Variants in CD96 observed in about 807,000 individuals in gnomAD.
The protein encoded by CD96 is T-cell surface protein tactile.
Under a neutral mutation model 71.3 loss-of-function variants are expected in CD96, and 70 were observed. That is an observed-to-expected ratio of 0.98 (90% CI 0.81 to 1.20). CD96 has a LOEUF of 1.20. CD96 is among the 50% of genes most tolerant of loss of function. CD96 has a pLI of 0.00. For missense variants in CD96, 742 were observed against 677.5 expected (o/e 1.10, Z -1.06); for synonymous variants, 248 against 233.0 (o/e 1.06, Z -0.59).
chr3:111,576,096 G>C (rs1936209175), intron 3 of CD96, among the ~76,000 whole-genome samples: 1 of 152,126 alleles, frequency 6.6e-6, no homozygotes, highest in Admixed American at 6.5e-5. Context: ...ACTAGAGTAA[G>C]TATATCATAT....
downstream of CD96, among the ~76,000 whole-genome samples, chr3:111,655,990 G>T (rs937446402): frequency 6.6e-6 from 1 of 151,692 alleles, no homozygotes; most frequent in Admixed American, 6.6e-5. Context: ...TGAAAGAAAA[G>T]ATGGATAAAT....
At chr3:111,617,291 C>T (rs935437158) in intron 8 of CD96, among the ~76,000 whole-genome samples, 1 of 152,194 alleles carries the variant, frequency 6.6e-6, no homozygotes, top group African/African-American at 2.4e-5. Flanking sequence ...CCAGGCATGG[C>T]CTGAAGCCTG....
intron 3 of CD96, among the ~76,000 whole-genome samples, chr3:111,576,541 A>G (rs561879067): frequency 6.6e-6 from 1 of 152,264 alleles, no homozygotes; most frequent in South Asian, 2.1e-4. Context: ...TTTGGTTCTT[A>G]TTAGTACAAA....
At chr3:111,663,752 CTT>C (rs57510798) in intron 14 of CD96, among the ~76,000 whole-genome samples, 2 of 143,054 alleles carry the variant, frequency 1.4e-5, no homozygotes, top group African/African-American at 2.6e-5. Flanking sequence ...TGCTTATACA[CTT>C]TTTTTTTTTT....
chr3:111,564,374 A>G (rs889201001), intron 2 of CD96, among the ~76,000 whole-genome samples: 1 of 151,156 alleles, frequency 6.6e-6, no homozygotes, highest in Non-Finnish European at 1.5e-5. Context: ...AATTTCCCTC[A>G]TTCTATTTTG....
At position 111,567,400 on chromosome 3, in the gene CD96, T is replaced by C; in HGVS notation, c.419-123T>C. ...CTATCGTGGGAGTTTGCCTCTCTTT[T>C]TCATAGGTGTACCCTGAGGACAGAT... is the stretch of plus-strand genomic sequence containing the variant. On this transcript the variant is annotated intron_variant, in intron 2 of 13. Transcript: ENST00000352690. 4.0e-6 allele frequency: 3 copies of C among 758,212 alleles called. No individual in the cohort carries two copies. In the South Asian group the frequency reaches 4.6e-5, roughly 12 times the overall value. The allele number at this position is 758,212 out of a possible 1,614,324, so 47.0% of individuals were successfully genotyped here. A position where few individuals can be genotyped will look rare whatever the true frequency, so the allele number is the denominator to read the frequency against.
chr3:111,572,596 A>C (rs908175487), intron 3 of CD96, among the ~76,000 whole-genome samples: 1 of 152,216 alleles, frequency 6.6e-6, no homozygotes, highest in Non-Finnish European at 1.5e-5. Flanking sequence ...ATTACAACAT[A>C]GAAATGATGA....
chr3:111,642,552 T>C (rs1260858569), intron 12 of CD96, among the ~76,000 whole-genome samples: 1 of 152,166 alleles, frequency 6.6e-6, no homozygotes, highest in East Asian at 1.9e-4. Context: ...CTCATGCCTG[T>C]AATCCCAGCA....
intron 12 of CD96, among the ~76,000 whole-genome samples, chr3:111,646,003 A>G (rs1322006382): frequency 1.3e-5 from 2 of 152,168 alleles, no homozygotes. Context: ...GCTATATGAA[A>G]AGCAGTGTAA....
downstream of CD96, among the ~76,000 whole-genome samples, chr3:111,657,184 C>A (rs190340920): frequency 4.3e-4 from 65 of 152,082 alleles, no homozygotes; most frequent in Middle Eastern, 3.4e-3. Flanking sequence ...TTTTGGGAGG[C>A]CAAGGTGGGC....
At chr3:111,581,984 A>G (rs79331573) in intron 4 of CD96, among the ~76,000 whole-genome samples, 1,974 of 152,314 alleles carry the variant, frequency 0.013, 71 homozygotes, top group East Asian at 0.11. Flanking sequence ...CCATAGGTTT[A>G]GAGCTCATCT....
intron 8 of CD96, among the ~76,000 whole-genome samples, chr3:111,610,967 G>A (rs1443955721): frequency 6.6e-6 from 1 of 152,164 alleles, no homozygotes; most frequent in Non-Finnish European, 1.5e-5. Context: ...TTGAGGTACA[G>A]GATACAGTGA....
At chr3:111,631,405 A>G (rs1939054728) in intron 10 of CD96, among the ~76,000 whole-genome samples, 1 of 152,160 alleles carries the variant, frequency 6.6e-6, no homozygotes, top group Admixed American at 6.5e-5. Context: ...AATTACCACA[A>G]AAAAGAATAA....
At chr3:111,577,048 C>T (rs1406541869) in intron 3 of CD96, among the ~76,000 whole-genome samples, 1 of 152,054 alleles carries the variant, frequency 6.6e-6, no homozygotes, top group Non-Finnish European at 1.5e-5. Context: ...AAGTCAACTG[C>T]CCAGGGGAAA....
intron 9 of CD96, 37 bp from the exon 10 acceptor site, chr3:111,624,295 GA>G: frequency 7.1e-7 from 1 of 1,415,340 alleles, no homozygotes; most frequent in Non-Finnish European, 1.0e-6. Context: ...TACAGCTTTC[GA>G]AAAAAGCTGG....
intron 2 of CD96, among the ~76,000 whole-genome samples, chr3:111,563,935 A>G (rs1042106626): frequency 6.6e-6 from 1 of 152,168 alleles, no homozygotes; most frequent in African/African-American, 2.4e-5. Flanking sequence ...ATTAAAAAAG[A>G]CTTTATTAAA....
intron 5 of CD96, among the ~76,000 whole-genome samples, chr3:111,589,249 C>T (rs1576355795): frequency 6.6e-6 from 1 of 152,158 alleles, no homozygotes; most frequent in South Asian, 2.1e-4. Context: ...CATGCCCGGC[C>T]TGTTTTTGTT....
At chr3:111,580,476 A>G (rs1054441087) in intron 4 of CD96, among the ~76,000 whole-genome samples, 1 of 152,066 alleles carries the variant, frequency 6.6e-6, no homozygotes, top group African/African-American at 2.4e-5. Flanking sequence ...ATTATTTTTG[A>G]AAATGAGATA....
intron 2 of CD96, among the ~76,000 whole-genome samples, chr3:111,548,658 T>TTAAATTAC (rs1934538891): frequency 1.3e-5 from 2 of 152,236 alleles, no homozygotes. Flanking sequence ...ATTTACTAGT[T>TTAAATTAC]CACAGTAAAT....
Sources: gnomAD v4.1 joint callset for allele counts (sites outside exome capture counted in the v4.1 genomes callset) on GRCh38, gnomAD v4.1.1 for gene constraint, MANE v1.5 for transcripts, NCBI Gene and HGNC (gene_info 2026-07-23, HGNC 2026-07-21) for gene names.